Variants in PTPRG observed in about 807,000 individuals in gnomAD.
PTPRG encodes the protein protein tyrosine phosphatase receptor type G, also known as receptor-type tyrosine-protein phosphatase gamma.
PTPRG carries 102 observed loss-of-function variants against 165.3 expected under a neutral mutation model. The ratio of observed to expected loss-of-function variants is 0.62; its 90% CI spans 0.53 to 0.73. PTPRG has a LOEUF of 0.73. Among genes scored for constraint, PTPRG ranks in the 30% least tolerant of loss-of-function variants. The probability of loss-of-function intolerance (pLI) is 0.00; values close to 1 mark genes in which losing one functional copy is unlikely to be tolerated. For synonymous variants in PTPRG, 675 were observed against 669.5 expected (o/e 1.01, Z -0.13); for missense variants, 1,866 against 1,861.4 (o/e 1.00, Z -0.05).
chr3:61,756,763 G>A (rs1038176498), intron 2 of PTPRG, among the ~76,000 whole-genome samples: 1 of 152,166 alleles, frequency 6.6e-6, no homozygotes, highest in African/African-American at 2.4e-5. Context: ...GTTTAGTGCT[G>A]TGTTGTTATC....
At chr3:61,588,234 A>C (rs953592270) in intron 1 of PTPRG, among the ~76,000 whole-genome samples, 2 of 152,062 alleles carry the variant, frequency 1.3e-5, no homozygotes, top group Non-Finnish European at 2.9e-5. Flanking sequence ...AGCTCGTTTC[A>C]ACTCTTTTTG....
intron 28 of PTPRG, among the ~76,000 whole-genome samples, chr3:62,291,527 G>T (rs1184242073): frequency 6.6e-6 from 1 of 152,018 alleles, no homozygotes; most frequent in Non-Finnish European, 1.5e-5. Flanking sequence ...TACCTCTAAA[G>T]TTGGGGGGTG....
In PTPRG at chr3:62,226,050, G is replaced by A. The variant is rs180756213; in HGVS notation, c.2289-5175G>A. 2.7e-4 allele frequency among the ~76,000 whole-genome samples: 41 copies of A among 152,336 alleles called. 1 individual carries two copies. The East Asian group carries it at 6.0e-3, about 22-fold the overall frequency. On this transcript the variant is annotated intron_variant, in intron 13 of 29. Coordinates refer to ENST00000474889, the MANE Select transcript of PTPRG (RefSeq NM_002841.4). ...GTATACGAATCCTGGGAAATAATCA[G>A]TATTGTTATGTTCATTTTGCAGATC...
Position 62,271,559 on chromosome 3 carries a change from G to C in PTPRG, c.3182+4G>C, listed in dbSNP as rs1702066430. The C allele has an allele frequency of 1.9e-6, 3 of 1,611,564 alleles. No homozygotes were observed. Among genetic ancestry groups the C allele is most frequent in the African/African-American group, 1.3e-5 (1 of 74,892 alleles). Reference sequence around the variant, plus strand: ...GCCCTGTGTTGGTGCACTGCAGGTAGGGTCTAGGATTCAACATGTGAAATA... The same window carrying C: ...GCCCTGTGTTGGTGCACTGCAGGTACGGTCTAGGATTCAACATGTGAAATA... On this transcript the variant is annotated splice_donor_region_variant and intron_variant, in intron 21 of 29. Transcript: ENST00000474889. This position sits in a 1 kb window ranked among gnomAD's most constrained non-coding sequence, Gnocchi z 4.1.
chr3:62,071,002 C>G (rs887438361), intron 4 of PTPRG, among the ~76,000 whole-genome samples: 1 of 151,834 alleles, frequency 6.6e-6, no homozygotes, highest in Non-Finnish European at 1.5e-5. Flanking sequence ...CTGCTGCCTC[C>G]TATGTGATTT....
chr3:61,587,240 C>T (rs535009991), intron 1 of PTPRG, among the ~76,000 whole-genome samples: 1 of 152,294 alleles, frequency 6.6e-6, no homozygotes, highest in East Asian at 1.9e-4. Flanking sequence ...ATAATTTGTC[C>T]TTAAATTGTT....
chr3:61,659,210 T>C, intron 1 of PTPRG: 3 of 675,744 alleles, frequency 4.4e-6, no homozygotes, highest in Non-Finnish European at 5.5e-6. Context: ...TTTATTCTTG[T>C]AGCTCCATAG....
rs747600729 is a variant in PTPRG, at chr3:62,282,834, C to T, written c.4020C>T (p.Ala1340=). Residue 1340 remains alanine (A), a synonymous_variant, in exon 28 of 30, where the codon GCC becomes GCT. Transcript: ENST00000474889. ...FELINVIKEE[A]LTRDGPTIVH... is the part of the protein sequence containing the mutation. ...TTATCAACGTCATCAAGGAAGAGGC[C>T]TTAACAAGGGATGGTCCCACCATTG... 8.1e-6 allele frequency: 13 copies of T among 1,611,320 alleles called. No homozygotes were observed. Among genetic ancestry groups the T allele is most frequent in the African/African-American group, 1.3e-5 (1 of 74,794 alleles).
chr3:62,247,473 T>C (rs768379733), intron 15 of PTPRG, among the ~76,000 whole-genome samples: 16 of 152,180 alleles, frequency 1.1e-4, no homozygotes, highest in Non-Finnish European at 1.9e-4. Context: ...CCATTTGGTT[T>C]TTCATTAAAT....
chr3:61,756,636 C>G (rs59662302), intron 2 of PTPRG, among the ~76,000 whole-genome samples: 66 of 152,176 alleles, frequency 4.3e-4, no homozygotes, highest in African/African-American at 1.6e-3. Flanking sequence ...GAGGTGGTTT[C>G]ACAAGTGATT....
Position 61,747,159 on chromosome 3 carries a change from T to A in PTPRG, c.86-1719T>A, listed in dbSNP as rs527858260. 5.4e-4 allele frequency among the ~76,000 whole-genome samples: 82 copies of A among 152,286 alleles called. 2 individuals are homozygous for A. The South Asian group carries it at 7.9e-3, about 15-fold the overall frequency. On this transcript the variant is annotated intron_variant, in intron 1 of 29. Transcript: ENST00000474889. ...AAAACCAAAAGCAGTGTATGCCCAG[T>A]GCTGAGTTAGGTGCTCTGCTCACCA...
intron 1 of PTPRG, among the ~76,000 whole-genome samples, chr3:61,738,497 C>G (rs1168867844): frequency 1.3e-5 from 2 of 151,116 alleles, no homozygotes; most frequent in African/African-American, 4.9e-5. Context: ...AAGTTACTAA[C>G]CATGGTGCTC....
At chr3:62,189,466 G>A (rs926011783) in intron 8 of PTPRG, among the ~76,000 whole-genome samples, 3 of 152,146 alleles carry the variant, frequency 2.0e-5, no homozygotes, top group Admixed American at 6.5e-5. Context: ...AGATGCCAGC[G>A]GGTCAGAACC....
chr3:62,010,712 A>AT (rs368936366), intron 4 of PTPRG, among the ~76,000 whole-genome samples: 5 of 152,202 alleles, frequency 3.3e-5, no homozygotes, highest in African/African-American at 1.2e-4. Flanking sequence ...TCAAGAAACA[A>AT]TTTTTTAGCA....
chr3:61,697,392 T>A (rs1308036303), intron 1 of PTPRG, among the ~76,000 whole-genome samples: 1 of 152,098 alleles, frequency 6.6e-6, no homozygotes, highest in Non-Finnish European at 1.5e-5. Flanking sequence ...TCCCCCAGGG[T>A]CTCTCTGGAA....
At chr3:61,627,346 C>T (rs1033898370) in intron 1 of PTPRG, among the ~76,000 whole-genome samples, 1 of 151,948 alleles carries the variant, frequency 6.6e-6, no homozygotes, top group Non-Finnish European at 1.5e-5. Flanking sequence ...TTGCCTGATA[C>T]GATAATTGTT....
chr3:61,832,271 A>C (rs2036318801), intron 2 of PTPRG, among the ~76,000 whole-genome samples: 1 of 152,224 alleles, frequency 6.6e-6, no homozygotes, highest in African/African-American at 2.4e-5. Flanking sequence ...TTGGAAATGG[A>C]GTTAGAATAT....
chr3:61,766,598 A>G (rs555776224), intron 2 of PTPRG, among the ~76,000 whole-genome samples: 1 of 148,052 alleles, frequency 6.8e-6, no homozygotes, highest in Non-Finnish European at 1.5e-5. Flanking sequence ...ATTTAACACC[A>G]TTATTAATGT....
chr3:61,635,414 C>T (rs996669348), intron 1 of PTPRG, among the ~76,000 whole-genome samples: 4 of 151,110 alleles, frequency 2.6e-5, no homozygotes, highest in African/African-American at 7.3e-5. Context: ...TGGAGTGCAG[C>T]GGCATGATCT....
Sources: gnomAD v4.1 joint callset for allele counts (sites outside exome capture counted in the v4.1 genomes callset) on GRCh38, gnomAD v4.1.1 for gene constraint, Gnocchi (gnomAD v3.1) non-coding constraint, MANE v1.5 for transcripts, NCBI Gene and HGNC (gene_info 2026-07-23, HGNC 2026-07-21) for gene names.